Variants in GRIK2 observed in about 807,000 individuals in gnomAD.
GRIK2 encodes the protein glutamate ionotropic receptor kainate type subunit 2, also known as glutamate receptor ionotropic, kainate 2.
GRIK2 carries 32 observed loss-of-function variants against 100.3 expected under a neutral mutation model. That is an observed-to-expected ratio of 0.32 (90% CI 0.24 to 0.43). The LOEUF (loss-of-function observed/expected upper bound fraction) is 0.43. Among genes scored for constraint, GRIK2 ranks in the 20% least tolerant of loss-of-function variants. GRIK2 has a pLI of 1.00. For synonymous variants in GRIK2, 417 were observed against 389.4 expected, an observed-to-expected ratio of 1.07 and a Z score of -0.83; for missense variants, 843 against 1,114.9, an observed-to-expected ratio of 0.76 and a Z score of 3.47.
At chr6:101,867,375 T>G (rs1378775445) in intron 11 of GRIK2, among the ~76,000 whole-genome samples, 1 of 22,560 alleles carries the variant, frequency 4.4e-5, no homozygotes, top group Non-Finnish European at 7.0e-5. Context: ...TTAAAAGGGC[T>G]AATATATTTT....
At chr6:101,895,611 T>C (rs1382507903) in intron 12 of GRIK2, among the ~76,000 whole-genome samples, 1 of 151,764 alleles carries the variant, frequency 6.6e-6, no homozygotes, top group Non-Finnish European at 1.5e-5. Flanking sequence ...TGGTGGGATG[T>C]TCAGTGTTAA....
chr6:101,791,595 T>G (rs1779862498), intron 7 of GRIK2, among the ~76,000 whole-genome samples: 1 of 152,126 alleles, frequency 6.6e-6, no homozygotes, highest in Admixed American at 6.6e-5. Flanking sequence ...ATTTCTTTTT[T>G]TTTACATTTG....
intron 12 of GRIK2, among the ~76,000 whole-genome samples, chr6:101,908,996 T>C (rs550288200): frequency 2.0e-4 from 30 of 151,466 alleles, no homozygotes; most frequent in African/African-American, 7.0e-4. Context: ...TCTCAACTAG[T>C]ATAGAAATTA....
At chr6:101,544,457 T>C (rs1258361930) in intron 2 of GRIK2, among the ~76,000 whole-genome samples, 1 of 152,160 alleles carries the variant, frequency 6.6e-6, no homozygotes, top group Non-Finnish European at 1.5e-5. Flanking sequence ...CAGGTTTTGG[T>C]CCTGCCCTGG....
chr6:101,598,260 T>C (rs1779022054), intron 2 of GRIK2, among the ~76,000 whole-genome samples: 1 of 151,582 alleles, frequency 6.6e-6, no homozygotes, highest in Non-Finnish European at 1.5e-5. Flanking sequence ...TCCTAGTTCA[T>C]TTGCCCTTGT....
chr6:101,831,958 G>T (rs1317637661), intron 10 of GRIK2, among the ~76,000 whole-genome samples: 2 of 151,878 alleles, frequency 1.3e-5, no homozygotes, highest in African/African-American at 2.4e-5. Flanking sequence ...ATTAGTGGTG[G>T]TATTTATTAA....
intron 2 of GRIK2, among the ~76,000 whole-genome samples, chr6:101,527,632 G>T (rs969694439): frequency 1.3e-5 from 2 of 152,098 alleles, no homozygotes; most frequent in African/African-American, 2.4e-5. Flanking sequence ...TTGGCTTTGT[G>T]GGTTGTAGCA....
At chr6:102,035,622 CAG>C (rs1279643634) in intron 15 of GRIK2, 56 bp downstream of exon 15, 14 of 1,059,684 alleles carry the variant, frequency 1.3e-5, no homozygotes, top group South Asian at 5.4e-5. Flanking sequence ...TGCTGTAAGA[CAG>C]GGGAAAAATA....
At chr6:101,533,720 T>C (rs957838085) in intron 2 of GRIK2, among the ~76,000 whole-genome samples, 3 of 151,932 alleles carry the variant, frequency 2.0e-5, no homozygotes, top group African/African-American at 7.2e-5. Flanking sequence ...TGAATCGTGC[T>C]CTGGGTTTGA....
chr6:101,558,669 C>CTTTTTT (rs371713680), intron 2 of GRIK2, among the ~76,000 whole-genome samples: 3 of 143,412 alleles, frequency 2.1e-5, no homozygotes, highest in African/African-American at 5.1e-5. Flanking sequence ...CCCTTTGCTT[C>CTTTTTT]TTTTTTTTTT....
chr6:101,574,677 T>C (rs930286849), intron 2 of GRIK2, among the ~76,000 whole-genome samples: 6 of 151,720 alleles, frequency 4.0e-5, no homozygotes, highest in African/African-American at 1.4e-4. Context: ...CAAAGCAGAA[T>C]GCTACTCTAA....
At chr6:101,696,666 T>C (rs552111735) in intron 7 of GRIK2, among the ~76,000 whole-genome samples, 177 of 152,002 alleles carry the variant, frequency 1.2e-3, no homozygotes, top group African/African-American at 4.1e-3. Flanking sequence ...TGCATTTTAC[T>C]GCTGTTTCTG....
At chr6:101,450,388 G>C (rs1442353931) in intron 2 of GRIK2, among the ~76,000 whole-genome samples, 1 of 151,582 alleles carries the variant, frequency 6.6e-6, no homozygotes, top group African/African-American at 2.4e-5. Context: ...TGATCTCTTT[G>C]TTACTAAGTT....
At chr6:101,912,452 A>G (rs79583782) in intron 12 of GRIK2, among the ~76,000 whole-genome samples, 13,079 of 151,552 alleles carry the variant, frequency 0.086, 779 homozygotes, top group Middle Eastern at 0.2. Context: ...ATTCATGCTC[A>G]AAGATTATGT....
chr6:101,678,994 G>A (rs989289980), intron 5 of GRIK2, among the ~76,000 whole-genome samples: 32 of 152,098 alleles, frequency 2.1e-4, no homozygotes, highest in African/African-American at 7.5e-4. Context: ...TAATTGGCAT[G>A]CATGCCTCCA....
chr6:101,949,678 A>G (rs1333189249), intron 14 of GRIK2, among the ~76,000 whole-genome samples: 3 of 152,198 alleles, frequency 2.0e-5, no homozygotes, highest in Admixed American at 1.3e-4. Flanking sequence ...TGCAAAGGAC[A>G]TAAACTCATC....
intron 7 of GRIK2, among the ~76,000 whole-genome samples, chr6:101,713,272 C>T (rs768186158): frequency 1.7e-4 from 26 of 151,826 alleles, no homozygotes; most frequent in South Asian, 8.3e-4. Context: ...AAAAAACCTC[C>T]TGACCTTTTC....
intron 7 of GRIK2, among the ~76,000 whole-genome samples, chr6:101,731,630 A>G (rs866983159): frequency 6.6e-6 from 1 of 152,026 alleles, no homozygotes; most frequent in African/African-American, 2.4e-5. Flanking sequence ...ATAAAAATGA[A>G]CACATTTTAA....
intron 14 of GRIK2, among the ~76,000 whole-genome samples, chr6:101,947,378 T>TA (rs1029098401): frequency 1.3e-5 from 2 of 152,190 alleles, no homozygotes; most frequent in African/African-American, 4.8e-5. Context: ...AAAATGTTTA[T>TA]AACAAAGAAA....
Sources: allele counts gnomAD v4.1 joint callset (sites outside exome capture counted in the v4.1 genomes callset), GRCh38; gene constraint gnomAD v4.1.1; transcripts MANE v1.5; gene names NCBI Gene and HGNC (gene_info 2026-07-23, HGNC 2026-07-21).